Variants in WNT7A observed in about 807,000 individuals in gnomAD.
WNT7A encodes the protein protein Wnt-7a.
WNT7A carries 16 observed loss-of-function variants against 28.2 expected under a neutral mutation model. The ratio of observed to expected loss-of-function variants is 0.57; its 90% confidence interval spans 0.38 to 0.86. The LOEUF is 0.86. WNT7A is among the 40% of genes least tolerant of loss of function. WNT7A has a pLI of 0.00. For missense variants in WNT7A, 411 were observed against 489.7 expected (o/e 0.84, Z 1.52); for synonymous variants, 190 against 195.9 (o/e 0.97, Z 0.25).
intron 3 of WNT7A, among the ~76,000 whole-genome samples, chr3:13,820,640 G>T (rs546338346): frequency 6.6e-6 from 1 of 152,088 alleles, no homozygotes; most frequent in African/African-American, 2.4e-5. Flanking sequence ...CAAAAAACTC[G>T]CTAGTCTTGC....
chr3:13,869,283 GAGAA>G (rs143997875), intron 2 of WNT7A, among the ~76,000 whole-genome samples: 6,116 of 139,926 alleles, frequency 0.044, 245 homozygotes, highest in South Asian at 0.19. Context: ...GAAAGGACGA[GAGAA>G]AGAAAGAAAG....
intron 3 of WNT7A, among the ~76,000 whole-genome samples, chr3:13,822,326 T>A (rs1317801549): frequency 1.3e-5 from 2 of 152,202 alleles, no homozygotes; most frequent in Admixed American, 6.5e-5. Flanking sequence ...GCGGAATAAC[T>A]CCCTCAACTA....
At chr3:13,852,988 G>A (rs1694664310) in intron 3 of WNT7A, among the ~76,000 whole-genome samples, 1 of 152,104 alleles carries the variant, frequency 6.6e-6, no homozygotes, top group African/African-American at 2.4e-5. Context: ...AGATGGGAGG[G>A]CTGTTCCTGC....
chr3:13,868,214 C>A lies in WNT7A; in HGVS notation c.298+6733G>T, dbSNP rs534480275. On this transcript the variant is annotated intron_variant, in intron 2 of 3. Coordinates refer to ENST00000285018, the MANE Select transcript of WNT7A (RefSeq NM_004625.4). ...ACAATATTATTTAAGAAAAAAATGG[C>A]CAGGTGCAGTGGCTCACACCTGTAA... Among the ~76,000 whole-genome samples the A allele has an allele frequency of 3.5e-3, 531 of 152,064 alleles. 1 individual carries two copies. The highest frequency in any genetic ancestry group is 5.6e-3 in the Non-Finnish European group (381 of 67,996).
chr3:13,819,508 C>T lies in WNT7A; in HGVS notation c.571-85G>A, dbSNP rs372665691. The T allele has an allele frequency of 1.6e-4, 230 of 1,477,064 alleles. 2 individuals carry two copies. In the African/African-American group the frequency reaches 2.5e-3, roughly 16 times the overall value. 91.5% of individuals were successfully genotyped at this position (1,477,064 alleles called of 1,614,324 possible). A position where few individuals can be genotyped will look rare whatever the true frequency, so the allele number is the denominator to read the frequency against. ...GCCCCCAGCTCCCCCCCGCCCCCCA[C>T]CCCTGCCCCACCTATCTGGGTCTGG... is the stretch of plus-strand genomic sequence containing the variant. On this transcript the variant is annotated intron_variant, in intron 3 of 3. Coordinates refer to ENST00000285018, the MANE Select transcript of WNT7A (RefSeq NM_004625.4).
Position 13,818,351 on chromosome 3 carries a change from C to CGAAAAAAAAAAAAAAAAAAAAAAAAA in WNT7A, c.*592_*593insTTTTTTTTTTTTTTTTTTTTTTTTTC, listed in dbSNP as rs575789769. 7 of 79,952 alleles carry CGAAAAAAAAAAAAAAAAAAAAAAAAA rather than the reference C, an allele frequency of 8.8e-5. 1 individual carries two copies. The highest frequency in any genetic ancestry group is 9.3e-4 in the South Asian group (2 of 2,140). The allele number at this position is 79,952 out of a possible 1,614,324, so 5.0% of individuals were successfully genotyped here. On this transcript the variant is annotated 3_prime_UTR_variant, in exon 4 of 4. Transcript: ENST00000285018. Reference sequence around the variant, plus strand: ...TTTCTGGATAAGTAGCAGCAAACAGCAAAAAAAAAAAAAAAAATGTGTGTG... The same window carrying CGAAAAAAAAAAAAAAAAAAAAAAAAA: ...TTTCTGGATAAGTAGCAGCAAACAGCGAAAAAAAAAAAAAAAAAAAAAAAAAAAAAAAAAAAAAAAAAATGTGTGTG...
rs1246545129 is a variant in WNT7A, at chr3:13,837,958, T to G, written c.570+16574A>C. Reference sequence around the variant, plus strand: ...TGGTGTCCAAGAGGCTGGACTGGCCTGAACCAAGGTTCCACGCTGCCCCGC... The same window carrying G: ...TGGTGTCCAAGAGGCTGGACTGGCCGGAACCAAGGTTCCACGCTGCCCCGC... On this transcript the variant is annotated intron_variant, in intron 3 of 3. Coordinates refer to ENST00000285018, the MANE Select transcript of WNT7A (RefSeq NM_004625.4). Among the ~76,000 whole-genome samples the G allele has an allele frequency of 7.2e-5, 11 of 152,296 alleles. No homozygotes were observed. In the East Asian group the frequency reaches 2.1e-3, roughly 29 times the overall value.
chr3:13,848,332 C>T (rs1189195884), intron 3 of WNT7A, among the ~76,000 whole-genome samples: 1 of 152,140 alleles, frequency 6.6e-6, no homozygotes, highest in Non-Finnish European at 1.5e-5. Context: ...GCATGTCTGA[C>T]CAAATACTGG....
chr3:13,828,763 C>G (rs1034539389), intron 3 of WNT7A, among the ~76,000 whole-genome samples: 1 of 152,218 alleles, frequency 6.6e-6, no homozygotes, highest in Non-Finnish European at 1.5e-5. Context: ...AGGGAGTGGT[C>G]AGTTCTGGAC....
intron 3 of WNT7A, among the ~76,000 whole-genome samples, chr3:13,835,077 A>G (rs1694344320): frequency 6.6e-6 from 1 of 152,234 alleles, no homozygotes; most frequent in South Asian, 2.1e-4. Context: ...AGGAAAGGGC[A>G]GGCTAGGCAG....
At chr3:13,833,374 C>A (rs1053477479) in intron 3 of WNT7A, among the ~76,000 whole-genome samples, 70 of 152,294 alleles carry the variant, frequency 4.6e-4, no homozygotes, top group African/African-American at 1.5e-3. Flanking sequence ...CACAAGCGCA[C>A]ACACACACAC....
At chr3:13,852,344 C>T (rs1022686153) in intron 3 of WNT7A, among the ~76,000 whole-genome samples, 10 of 152,204 alleles carry the variant, frequency 6.6e-5, no homozygotes, top group African/African-American at 2.4e-4. Context: ...TTCCGAGGCT[C>T]TCAGCCAGGA....
intron 3 of WNT7A, among the ~76,000 whole-genome samples, chr3:13,838,253 C>A (rs571137719): frequency 1.3e-5 from 2 of 152,312 alleles, no homozygotes; most frequent in South Asian, 4.1e-4. Context: ...GTGGGTTTCT[C>A]TCTCAGCTGT....
At position 13,818,433 on chromosome 3, in the gene WNT7A, G is replaced by A. The variant is rs547231153; in HGVS notation, c.*511C>T. 4.7e-5 allele frequency: 7 copies of A among 147,424 alleles called. No homozygotes were observed. The South Asian group carries it at 1.3e-3, about 27-fold the overall frequency. 9.1% of individuals were successfully genotyped at this position (147,424 alleles called of 1,614,324 possible). On this transcript the variant is annotated 3_prime_UTR_variant, in exon 4 of 4. Coordinates refer to ENST00000285018, the MANE Select transcript of WNT7A (RefSeq NM_004625.4). ...CTCTTGTACTTAAACATCTAGTGCT[G>A]CAAGGTGGGTACCTGCAAAATCAGC...
chr3:13,840,256 C>T (rs1694434928), intron 3 of WNT7A, among the ~76,000 whole-genome samples: 1 of 152,160 alleles, frequency 6.6e-6, no homozygotes, highest in Non-Finnish European at 1.5e-5. Context: ...ACATCTGTGC[C>T]CTCTCATCCT....
chr3:13,879,775 G>A lies in WNT7A; in HGVS notation c.42C>T (p.Leu14=). 1.2e-6 allele frequency: 2 copies of A among 1,612,758 alleles called. No homozygotes were observed. The highest frequency in any genetic ancestry group is 1.7e-6 in the Non-Finnish European group (2 of 1,179,286). Residue 14 remains leucine (L), a synonymous_variant, in exon 1 of 4, where the codon CTC becomes CTT. Transcript: ENST00000285018. ...KARRCLGHLF[L]SLGMVYLRIG... is the part of the protein sequence containing the mutation. ...TCCGGAGGTAGACCATGCCCAGGCT[G>A]AGAAAGAGGTGGCCCAGGCAGCGCC...
In WNT7A at chr3:13,818,372, G is replaced by A. The variant is rs1694049648; in HGVS notation, c.*572C>T. 1 of 54,240 alleles carries A rather than the reference G, an allele frequency of 1.8e-5. No homozygotes were observed. Among genetic ancestry groups the A allele is most frequent in the Non-Finnish European group, 3.7e-5 (1 of 27,044 alleles). 3.4% of individuals were successfully genotyped at this position (54,240 alleles called of 1,614,324 possible). A position where few individuals can be genotyped will look rare whatever the true frequency, so the allele number is the denominator to read the frequency against. ...ACAGCAAAAAAAAAAAAAAAAATGT[G>A]TGTGTGTATATCTATATATGCATAA... On this transcript the variant is annotated 3_prime_UTR_variant, in exon 4 of 4. Transcript: ENST00000285018.
chr3:13,879,207 G>C (rs1194757774), intron 1 of WNT7A, among the ~76,000 whole-genome samples: 1 of 152,222 alleles, frequency 6.6e-6, no homozygotes. Flanking sequence ...GGCGGTTTAT[G>C]TTTTTGCCAG....
rs1158651679 is a variant in WNT7A, at chr3:13,841,629, C to T, written c.570+12903G>A. 2.0e-5 allele frequency among the ~76,000 whole-genome samples: 3 copies of T among 152,316 alleles called. No individual in the cohort carries two copies. In the South Asian group the frequency reaches 6.2e-4, roughly 32 times the overall value. On this transcript the variant is annotated intron_variant, in intron 3 of 3. Coordinates refer to ENST00000285018, the MANE Select transcript of WNT7A (RefSeq NM_004625.4). The stretch of plus-strand genomic sequence containing the variant: ...TGTACAGGTATAAAATATTCATGTG[C>T]TGCTGGCCCACTGGAACAAATATCG...
Sources: allele counts gnomAD v4.1 joint callset (sites outside exome capture counted in the v4.1 genomes callset), GRCh38; gene constraint gnomAD v4.1.1; transcripts MANE v1.5; gene names NCBI Gene and HGNC (gene_info 2026-07-23, HGNC 2026-07-21).